The following ANKRD22 variants were observed in gnomAD, a reference collection of about 807,000 sequenced individuals.
The protein encoded by ANKRD22 is ankyrin repeat domain 22, also known as ankyrin repeat domain-containing protein 22.
ANKRD22 carries 24 observed loss-of-function variants against 25.7 expected under a neutral mutation model. The ratio of observed to expected loss-of-function variants is 0.93; its 90% CI spans 0.68 to 1.31. The LOEUF (loss-of-function observed/expected upper bound fraction) is 1.31. Among genes scored for constraint, ANKRD22 ranks in the 50% most tolerant of loss-of-function variants. The pLI is 0.00. For synonymous variants in ANKRD22, 84 were observed against 84.3 expected, an observed-to-expected ratio of 1.00 and a Z score of 0.02; for missense variants, 214 against 227.1, an observed-to-expected ratio of 0.94 and a Z score of 0.37.
At chr10:88,846,163 T>C (rs1459345175) in intron 1 of ANKRD22, among the ~76,000 whole-genome samples, 3 of 152,168 alleles carry the variant, frequency 2.0e-5, no homozygotes, top group Non-Finnish European at 4.4e-5. Context: ...TTTTCTCATT[T>C]GACATACAGA....
At chr10:88,825,007 T>TCACACACACACACACACACA (rs568461484) in intron 4 of ANKRD22, among the ~76,000 whole-genome samples, 1 of 115,448 alleles carries the variant, frequency 8.7e-6, no homozygotes, top group Non-Finnish European at 2.0e-5. Context: ...TCTCTCTCTC[T>TCACACACACACACACACACA]CTCTCACACA....
rs374583316 is a variant in ANKRD22, at chr10:88,823,056, T to C, written c.499-38A>G. The C allele has an allele frequency of 3.4e-4, 540 of 1,586,156 alleles. 1 individual carries two copies. Among genetic ancestry groups the C allele is most frequent in the Non-Finnish European group, 4.5e-4 (520 of 1,155,396 alleles). On this transcript the variant is annotated intron_variant, in intron 5 of 5. Coordinates refer to ENST00000371930, the MANE Select transcript of ANKRD22 (RefSeq NM_144590.3). ...AAATATACAGTTATTTCCAATAGAG[T>C]GCCCAAGATCTCGTACGTAGCTTAG...
chr10:88,828,533 C>G lies in ANKRD22; in HGVS notation c.321+26G>C, dbSNP rs371643524. The G allele has an allele frequency of 5.3e-5, 80 of 1,517,984 alleles. No individual in the cohort carries two copies. The African/African-American group carries it at 8.1e-4, about 15-fold the overall frequency. 94.0% of individuals were successfully genotyped at this position (1,517,984 alleles called of 1,614,324 possible). On this transcript the variant is annotated intron_variant, in intron 3 of 5. Transcript: ENST00000371930. Reference sequence around the variant, plus strand: ...CACACCATCGATCTCCACATTTGCCCTTTGCTCTACAAGTGTTGTACTCAC... The same window carrying G: ...CACACCATCGATCTCCACATTTGCCGTTTGCTCTACAAGTGTTGTACTCAC...
At chr10:88,835,885 A>G (rs901544183) in intron 1 of ANKRD22, among the ~76,000 whole-genome samples, 2 of 152,190 alleles carry the variant, frequency 1.3e-5, no homozygotes, top group African/African-American at 2.4e-5. Context: ...CAAGCCAGGT[A>G]TGAAAAAGAG....
chr10:88,832,792 G>A (rs1327301604), intron 1 of ANKRD22, among the ~76,000 whole-genome samples: 1 of 151,938 alleles, frequency 6.6e-6, no homozygotes, highest in Non-Finnish European at 1.5e-5. Context: ...AAGACTTCAG[G>A]TAGCATGATC....
intron 1 of ANKRD22, among the ~76,000 whole-genome samples, chr10:88,849,803 T>A (rs79355036): frequency 0.027 from 4,034 of 152,206 alleles, 120 homozygotes; most frequent in East Asian, 0.17. Context: ...GAGTTACTTA[T>A]TCAAAATTAG....
At chr10:88,831,741 G>A (rs1369009542) in intron 2 of ANKRD22, 94 bp downstream of exon 2, 4 of 1,289,684 alleles carry the variant, frequency 3.1e-6, no homozygotes, top group Non-Finnish European at 4.2e-6. Context: ...GGAGCTGCAA[G>A]CAATTTAAAA....
intron 1 of ANKRD22, among the ~76,000 whole-genome samples, chr10:88,851,290 C>T (rs1306167189): frequency 1.3e-5 from 2 of 152,104 alleles, no homozygotes; most frequent in Non-Finnish European, 2.9e-5. Flanking sequence ...AAAAGCACAA[C>T]TCAAACTCGA....
chr10:88,849,458 A>G (rs1190924826), intron 1 of ANKRD22, among the ~76,000 whole-genome samples: 1 of 152,176 alleles, frequency 6.6e-6, no homozygotes, highest in Non-Finnish European at 1.5e-5. Context: ...TTAGTAGTTC[A>G]GCAGTGATGT....
At chr10:88,849,545 T>G (rs996178682) in intron 1 of ANKRD22, among the ~76,000 whole-genome samples, 5 of 152,184 alleles carry the variant, frequency 3.3e-5, no homozygotes, top group Admixed American at 2.6e-4. Flanking sequence ...ACTTTTCAAC[T>G]GTGTAACTAT....
intron 2 of ANKRD22, among the ~76,000 whole-genome samples, chr10:88,830,271 ATAACT>A (rs1843891804): frequency 6.6e-6 from 1 of 152,252 alleles, no homozygotes; most frequent in Admixed American, 6.5e-5. Context: ...TAAGACAATA[ATAACT>A]TAAACTTTCT....
At chr10:88,828,759 T>C in intron 2 of ANKRD22, 93 bp from the exon 3 acceptor site, 1 of 920,934 alleles carries the variant, frequency 1.1e-6, no homozygotes, top group Admixed American at 2.6e-5. Context: ...TTGTGCTTTT[T>C]GTTTTTCCGG....
Position 88,820,088 on chromosome 10 carries a change from A to G in ANKRD22, c.*2853T>C, listed in dbSNP as rs1843768602. On this transcript the variant is annotated 3_prime_UTR_variant, in exon 6 of 6. Transcript: ENST00000371930. The stretch of plus-strand genomic sequence containing the variant: ...CCTTAAAGTAAGGGCGGGAACAGAA[A>G]TTCTTAACAGAGTTGTGTGGCTCTA... 1 of 642,592 alleles carries G rather than the reference A, an allele frequency of 1.6e-6. No homozygotes were observed. Among genetic ancestry groups the G allele is most frequent in the Non-Finnish European group, 2.6e-6 (1 of 387,264 alleles). The allele number at this position is 642,592 out of a possible 1,614,324, so 39.8% of individuals were successfully genotyped here.
chr10:88,823,430 C>T (rs1322076279), intron 4 of ANKRD22, 52 bp from the exon 5 acceptor site: 3 of 1,338,870 alleles, frequency 2.2e-6, no homozygotes, highest in Non-Finnish European at 3.2e-6. Context: ...CCTCCACAGA[C>T]CATAGCATGT....
chr10:88,850,454 T>C (rs1338286698), intron 1 of ANKRD22, among the ~76,000 whole-genome samples: 1 of 152,144 alleles, frequency 6.6e-6, no homozygotes, highest in Non-Finnish European at 1.5e-5. Flanking sequence ...TCTTTCTTTC[T>C]CAGGATGGTG....
chr10:88,840,397 G>A (rs928091433), intron 1 of ANKRD22, among the ~76,000 whole-genome samples: 2 of 152,186 alleles, frequency 1.3e-5, no homozygotes, highest in African/African-American at 4.8e-5. Flanking sequence ...TTTTAATAGT[G>A]TAGAAACATC....
intron 1 of ANKRD22, among the ~76,000 whole-genome samples, chr10:88,832,417 A>G (rs931313357): frequency 4.7e-5 from 7 of 148,884 alleles, no homozygotes; most frequent in Non-Finnish European, 7.4e-5. Context: ...AAGACAAAAT[A>G]CCTTTATCTT....
At chr10:88,845,063 T>A (rs1844035508) in intron 1 of ANKRD22, among the ~76,000 whole-genome samples, 1 of 91,096 alleles carries the variant, frequency 1.1e-5, no homozygotes, top group African/African-American at 4.9e-5. Flanking sequence ...TCCTGTCCTC[T>A]TACAAAACTT....
At chr10:88,843,637 T>C (rs1324909205) in intron 1 of ANKRD22, among the ~76,000 whole-genome samples, 3 of 152,180 alleles carry the variant, frequency 2.0e-5, no homozygotes, top group Admixed American at 2.0e-4. Flanking sequence ...GTTATTACTA[T>C]AAAGTCCAAT....
Sources: allele counts gnomAD v4.1 joint callset (sites outside exome capture counted in the v4.1 genomes callset), GRCh38; gene constraint gnomAD v4.1.1; transcripts MANE v1.5; gene names NCBI Gene and HGNC (gene_info 2026-07-23, HGNC 2026-07-21).